Variants in TRPM3 observed in about 807,000 individuals in gnomAD.
TRPM3 encodes transient receptor potential cation channel subfamily M member 3, also known as long transient receptor potential channel 3.
Under a neutral mutation model 181.2 loss-of-function variants are expected in TRPM3, and 77 were observed. That is an observed-to-expected ratio of 0.42 (90% CI 0.35 to 0.51). The LOEUF (loss-of-function observed/expected upper bound fraction) is 0.51, where lower values mean the gene tolerates loss of function less well. Among genes scored for constraint, TRPM3 ranks in the 20% least tolerant of loss-of-function variants. The probability of loss-of-function intolerance (pLI) is 0.01; values close to 1 mark genes in which losing one functional copy is unlikely to be tolerated. For synonymous variants in TRPM3, 745 were observed against 796.4 expected, an observed-to-expected ratio of 0.94 and a Z score of 1.09; for missense variants, 1,759 against 2,196.7, an observed-to-expected ratio of 0.80 and a Z score of 3.98.
At chr9:70,557,264 T>A (rs2047939657) in intron 22 of TRPM3, among the ~76,000 whole-genome samples, 2 of 152,186 alleles carry the variant, frequency 1.3e-5, no homozygotes, top group Non-Finnish European at 2.9e-5. Context: ...AGTCTGGTAG[T>A]CAGGACCAGC....
rs1280652087 is a variant in TRPM3, at chr9:71,438,501, C to T, written c.183+8152G>A. 6.6e-5 allele frequency among the ~76,000 whole-genome samples: 7 copies of T among 106,166 alleles called. No individual in the cohort carries two copies. The South Asian group carries it at 2.3e-3, about 35-fold the overall frequency. 69.6% of individuals were successfully genotyped at this position (106,166 alleles called of 152,430 possible). On this transcript the variant is annotated intron_variant, in intron 1 of 24. Transcript: ENST00000357533. Reference sequence around the variant, plus strand: ...CCTGGGCAATGTGGCAAAACCCCTTCTCTACAAAAAAAAATATAAAAATTA... The same window carrying T: ...CCTGGGCAATGTGGCAAAACCCCTTTTCTACAAAAAAAAATATAAAAATTA...
At chr9:70,680,026 T>C (rs1169774082) in intron 9 of TRPM3, among the ~76,000 whole-genome samples, 2 of 152,156 alleles carry the variant, frequency 1.3e-5, no homozygotes, top group African/African-American at 2.4e-5. Context: ...GCTGGACACA[T>C]GATATGATTC....
At chr9:71,233,752 T>C (rs549129436) in intron 1 of TRPM3, among the ~76,000 whole-genome samples, 2 of 152,328 alleles carry the variant, frequency 1.3e-5, no homozygotes, top group South Asian at 4.1e-4. Flanking sequence ...AAGCCAAATT[T>C]TCAAAGCCCC....
chr9:71,070,889 A>G (rs2133540321), intron 1 of TRPM3, among the ~76,000 whole-genome samples: 1 of 152,340 alleles, frequency 6.6e-6, no homozygotes, highest in African/African-American at 2.4e-5. Context: ...ATTATTCAGT[A>G]TATGTCAAAA....
intron 1 of TRPM3, among the ~76,000 whole-genome samples, chr9:70,903,411 A>G (rs1298047811): frequency 4.6e-5 from 7 of 152,158 alleles, no homozygotes. Flanking sequence ...CTACATGAAC[A>G]TTCTAGACCT....
Position 71,149,834 on chromosome 9 carries a change from C to T in TRPM3, c.184-285323G>A, listed in dbSNP as rs190990106. Among the ~76,000 whole-genome samples, 22 of 151,450 alleles carry T rather than the reference C, an allele frequency of 1.5e-4. No individual in the cohort carries two copies. The East Asian group carries it at 3.9e-3, about 27-fold the overall frequency. On this transcript the variant is annotated intron_variant, in intron 1 of 24. Transcript: ENST00000357533. ...CAACCATTAGCTGAGTGTGGTGGCA[C>T]GCACCTGTGGTCCAGCTACTTGGGA...
chr9:71,189,909 T>C (rs986002037), intron 1 of TRPM3, among the ~76,000 whole-genome samples: 4 of 151,922 alleles, frequency 2.6e-5, no homozygotes, highest in Non-Finnish European at 5.9e-5. Flanking sequence ...TCAACAGTCA[T>C]ATATAGTGTT....
chr9:71,128,670 A>G (rs892883392), intron 1 of TRPM3, among the ~76,000 whole-genome samples: 2 of 152,248 alleles, frequency 1.3e-5, no homozygotes, highest in Non-Finnish European at 2.9e-5. Flanking sequence ...TATGAAAGCC[A>G]TAAATTTGAC....
chr9:70,882,652 A>G (rs1348045369), intron 1 of TRPM3, among the ~76,000 whole-genome samples: 1 of 152,214 alleles, frequency 6.6e-6, no homozygotes, highest in Admixed American at 6.5e-5. Context: ...TTAAACAATC[A>G]TAAAGTATGC....
intron 21 of TRPM3, among the ~76,000 whole-genome samples, chr9:70,591,629 G>A (rs1168612006): frequency 6.6e-6 from 1 of 152,084 alleles, no homozygotes; most frequent in Admixed American, 6.6e-5. Flanking sequence ...AATTGGGAGA[G>A]TTGAACTATT....
intron 14 of TRPM3, among the ~76,000 whole-genome samples, chr9:70,622,951 C>A (rs2063849345): frequency 6.6e-6 from 1 of 151,468 alleles, no homozygotes; most frequent in Non-Finnish European, 1.5e-5. Flanking sequence ...TTTAAAAATT[C>A]TGTTATATAT....
At chr9:70,775,802 G>T (rs1032840122) in intron 7 of TRPM3, 9 of 151,120 alleles carry the variant, frequency 6.0e-5, no homozygotes, top group African/African-American at 1.9e-4. Flanking sequence ...TTTTTTTGTA[G>T]TTTTTTCCTC....
intron 1 of TRPM3, among the ~76,000 whole-genome samples, chr9:71,414,328 T>C (rs1049278700): frequency 1.3e-5 from 2 of 152,068 alleles, no homozygotes; most frequent in African/African-American, 2.4e-5. Flanking sequence ...ATCATAACAA[T>C]AATAGGTTGT....
chr9:71,170,729 C>T (rs190434289), intron 1 of TRPM3, among the ~76,000 whole-genome samples: 24 of 152,240 alleles, frequency 1.6e-4, no homozygotes, highest in African/African-American at 2.2e-4. Context: ...ATCCTGTCAG[C>T]TTAGGAGGAT....
intron 1 of TRPM3, among the ~76,000 whole-genome samples, chr9:71,144,601 C>T (rs996120078): frequency 1.3e-5 from 2 of 152,048 alleles, no homozygotes; most frequent in Non-Finnish European, 2.9e-5. Flanking sequence ...CATGAGTTCC[C>T]TGGTAGGTTG....
chr9:71,250,241 T>C (rs1263347836), intron 1 of TRPM3, among the ~76,000 whole-genome samples: 2 of 152,196 alleles, frequency 1.3e-5, no homozygotes, highest in African/African-American at 2.4e-5. Flanking sequence ...AACTTGAAGC[T>C]ATAATTTTTA....
chr9:71,334,414 C>A (rs1396513551), intron 1 of TRPM3, among the ~76,000 whole-genome samples: 1 of 151,690 alleles, frequency 6.6e-6, no homozygotes, highest in Non-Finnish European at 1.5e-5. Context: ...ATTTCTAATA[C>A]AAAAATGTAC....
At chr9:71,158,497 A>C (rs2076113953) in intron 1 of TRPM3, among the ~76,000 whole-genome samples, 1 of 152,200 alleles carries the variant, frequency 6.6e-6, no homozygotes, top group African/African-American at 2.4e-5. Flanking sequence ...AGTTAAGAAG[A>C]AGAAAACAAT....
chr9:70,765,888 T>G (rs532737834), intron 7 of TRPM3, among the ~76,000 whole-genome samples: 1 of 152,334 alleles, frequency 6.6e-6, no homozygotes, highest in East Asian at 1.9e-4. Context: ...TAGATTTCTT[T>G]TTATGGCACT....
Sources: gnomAD v4.1 joint callset for allele counts (sites outside exome capture counted in the v4.1 genomes callset) on GRCh38, gnomAD v4.1.1 for gene constraint, MANE v1.5 for transcripts, NCBI Gene and HGNC (gene_info 2026-07-23, HGNC 2026-07-21) for gene names.